Variants in TG observed in about 807,000 individuals in gnomAD.
The protein encoded by TG is thyroid hormones.
A neutral mutation model predicts 324.7 loss-of-function variants in TG; 270 were observed. The observed-to-expected ratio is 0.83, with a 90% CI of 0.75 to 0.92. The LOEUF is 0.92. Among genes scored for constraint, TG ranks in the 40% least tolerant of loss-of-function variants. TG has a pLI of 0.00. For missense variants in TG, 3,591 were observed against 3,456.4 expected, an observed-to-expected ratio of 1.04 and a Z score of -0.98; for synonymous variants, 1,401 against 1,327.0, an observed-to-expected ratio of 1.06 and a Z score of -1.21.
chr8:132,919,256 TTTG>T, intron 20 of TG, 117 bp from the exon 21 acceptor site: 1 of 1,091,660 alleles, frequency 9.2e-7, no homozygotes, highest in Non-Finnish European at 1.3e-6. Flanking sequence ...TCAGTGGACA[TTTG>T]TTAAATGAAT....
chr8:133,034,846 C>T (rs1338606040), intron 41 of TG, among the ~76,000 whole-genome samples: 1 of 152,152 alleles, frequency 6.6e-6, no homozygotes, highest in Non-Finnish European at 1.5e-5. Context: ...GAGGACCATA[C>T]CTGCCGTCTT....
rs760415056 is a variant in TG, at chr8:132,882,529, C to T, written c.806C>T (p.Ser269Phe). Residue 269 changes from serine (S) to phenylalanine (F), a missense_variant, in exon 7 of 48, where the codon TCC (serine) becomes TTC (phenylalanine). Ser to Phe is a radical substitution (Grantham distance 155). Coordinates refer to ENST00000220616, the MANE Select transcript of TG (RefSeq NM_003235.5). ...ATTTTTGCTGGCCTGGACCTTCCTTCCACCTTCACTGAAACCACCCTGTAC... is the reference window on the plus strand; with the variant it reads ...ATTTTTGCTGGCCTGGACCTTCCTTTCACCTTCACTGAAACCACCCTGTAC... ...DTIFAGLDLP[S>F]TFTETTLYRI... 2.5e-6 allele frequency: 4 copies of T among 1,614,218 alleles called. No homozygotes were observed. In the South Asian group the frequency reaches 3.3e-5, roughly 13 times the overall value.
intron 41 of TG, chr8:133,038,558 G>C (rs1170146379): frequency 6.2e-7 from 1 of 1,613,798 alleles, no homozygotes; most frequent in Non-Finnish European, 8.5e-7. Context: ...TGAGAAGAAT[G>C]AGCTCTTTCT....
At chr8:133,040,032 G>A (rs375750625) in intron 41 of TG, 19 of 1,551,740 alleles carry the variant, frequency 1.2e-5, no homozygotes, top group African/African-American at 2.7e-5. Flanking sequence ...GTCTTCTGAC[G>A]CAAGGTGACA....
chr8:133,025,213 G>C (rs1409926812), intron 40 of TG, among the ~76,000 whole-genome samples: 2 of 152,186 alleles, frequency 1.3e-5, no homozygotes, highest in Non-Finnish European at 2.9e-5. Flanking sequence ...GCAGATTCAG[G>C]CTTCTTGCTA....
In TG at chr8:133,029,907, G is replaced by A. The variant is rs137854434; in HGVS notation, c.7123G>A (p.Gly2375Arg). The change falls in exon 41 of 48, where the codon GGG (glycine) becomes AGG (arginine). Residue 2375 changes from glycine (G) to arginine (R), a missense_variant. Transcript: ENST00000220616. ...GCAGACCCACATCCGAGGATTTGGC[G>A]GGGACCCTCGGCGCGTGTCCCTGGC... is the stretch of plus-strand genomic sequence containing the variant. The part of the protein sequence containing the change: ...WVQTHIRGFG[G>R]DPRRVSLAAD... The A allele has an allele frequency of 1.5e-5, 25 of 1,614,082 alleles. No homozygotes were observed. The highest frequency in any genetic ancestry group is 1.3e-4 in the South Asian group (12 of 91,086).
intron 25 of TG, among the ~76,000 whole-genome samples, chr8:132,936,401 C>T (rs2129771539): frequency 6.6e-6 from 1 of 152,312 alleles, no homozygotes; most frequent in South Asian, 2.1e-4. Flanking sequence ...GAACCCAGGC[C>T]CTGTAAGGTG....
At chr8:132,994,580 G>T in intron 35 of TG, 1 of 815,440 alleles carries the variant, frequency 1.2e-6, no homozygotes, top group Non-Finnish European at 1.7e-6. Flanking sequence ...AGTGGCTAGT[G>T]CTACACAAAG....
chr8:133,102,399 C>T, intron 43 of TG: 1 of 630,782 alleles, frequency 1.6e-6, no homozygotes, highest in South Asian at 2.0e-5. Flanking sequence ...GAGCTACTCA[C>T]CACCAGCAGA....
At chr8:132,918,659 G>A (rs1820717246) in intron 20 of TG, among the ~76,000 whole-genome samples, 1 of 152,184 alleles carries the variant, frequency 6.6e-6, no homozygotes, top group African/African-American at 2.4e-5. Flanking sequence ...CTTTGGTTTG[G>A]AGATGAATGA....
In TG at chr8:132,868,166, C is replaced by A. The variant is rs539574101; in HGVS notation, c.119C>A (p.Thr40Lys). 1 of 1,614,092 alleles carries A rather than the reference C, an allele frequency of 6.2e-7. No homozygotes were observed. The highest frequency in any genetic ancestry group is 8.5e-7 in the Non-Finnish European group (1 of 1,180,014). ...PLRPCELQRE[T>K]AFLKQADYVP... ...CGTCCCTGTGAGCTGCAGAGGGAAACGGCCTTTCTGAAGCAAGCAGACTAC... is the reference window on the plus strand; with the variant it reads ...CGTCCCTGTGAGCTGCAGAGGGAAAAGGCCTTTCTGAAGCAAGCAGACTAC... The change falls in exon 2 of 48, where the codon ACG (threonine) becomes AAG (lysine). Residue 40 changes from threonine (T) to lysine (K), a missense_variant. Transcript: ENST00000220616.
intron 19 of TG, among the ~76,000 whole-genome samples, chr8:132,912,405 G>C (rs1438282531): frequency 6.6e-6 from 1 of 152,136 alleles, no homozygotes; most frequent in Admixed American, 6.6e-5. Context: ...CCATGGGCTG[G>C]CTCTACAGTA....
intron 34 of TG, among the ~76,000 whole-genome samples, chr8:132,974,153 C>T (rs1355979855): frequency 6.6e-6 from 1 of 151,992 alleles, no homozygotes; most frequent in Non-Finnish European, 1.5e-5. Context: ...ACCACCATGC[C>T]CAGCTAATTT....
chr8:133,026,979 A>C (rs887100149), intron 40 of TG, among the ~76,000 whole-genome samples: 4 of 152,208 alleles, frequency 2.6e-5, no homozygotes, highest in Middle Eastern at 3.2e-3. Context: ...AAGTGCTATT[A>C]TCACCCCCGT....
chr8:132,909,444 C>T (rs529648543), intron 18 of TG, among the ~76,000 whole-genome samples: 2 of 152,236 alleles, frequency 1.3e-5, no homozygotes, highest in African/African-American at 2.4e-5. Flanking sequence ...ATCCAGGGGA[C>T]TAGAGAGCTG....
At position 132,888,582 on chromosome 8, in the gene TG, T is replaced by C. The variant is rs76286566; in HGVS notation, c.2761+14T>C. Reference sequence around the variant, plus strand: ...AGCTCCCAACATGTGAGCTAACGCATATGAAGAGTTAAATGTGTGTGTGTG... The same window carrying C: ...AGCTCCCAACATGTGAGCTAACGCACATGAAGAGTTAAATGTGTGTGTGTG... On this transcript the variant is annotated intron_variant, in intron 10 of 47. Transcript: ENST00000220616. The C allele has an allele frequency of 6.0e-3, 9,560 of 1,602,424 alleles. 240 individuals carry two copies. The East Asian group carries it at 0.082, about 14-fold the overall frequency.
At chr8:133,042,201 A>G (rs998138226) in intron 41 of TG, among the ~76,000 whole-genome samples, 9 of 152,166 alleles carry the variant, frequency 5.9e-5, no homozygotes, top group African/African-American at 1.9e-4. Flanking sequence ...TCATTCTAAA[A>G]GCAACTCATT....
At chr8:132,970,579 T>C (rs1829362859) in intron 32 of TG, among the ~76,000 whole-genome samples, 1 of 152,184 alleles carries the variant, frequency 6.6e-6, no homozygotes, top group Non-Finnish European at 1.5e-5. Context: ...ATGTTGCTGG[T>C]GCTTAAGATC....
chr8:133,048,011 A>C, intron 41 of TG: 1 of 787,684 alleles, frequency 1.3e-6, no homozygotes, highest in Non-Finnish European at 2.2e-6. Context: ...CACCCACCGT[A>C]CTAAGCACCT....
Sources: gnomAD v4.1 joint callset for allele counts (sites outside exome capture counted in the v4.1 genomes callset) on GRCh38, gnomAD v4.1.1 for gene constraint, MANE v1.5 for transcripts, NCBI Gene and HGNC (gene_info 2026-07-23, HGNC 2026-07-21) for gene names.